PAPSS2: variants seen among roughly 807,000 people sequenced by gnomAD.
PAPSS2 encodes bifunctional 3'-phosphoadenosine 5'-phosphosulfate synthase 2.
PAPSS2 carries 61 observed loss-of-function variants against 66.5 expected under a neutral mutation model. That is an observed-to-expected ratio of 0.92 (90% CI 0.75 to 1.14). The LOEUF (loss-of-function observed/expected upper bound fraction) is 1.14, where lower values mean the gene tolerates loss of function less well. PAPSS2 is among the 50% of genes most tolerant of loss of function. PAPSS2 has a pLI of 0.00. For synonymous variants in PAPSS2, 289 were observed against 287.5 expected (o/e 1.01, Z -0.05); for missense variants, 708 against 789.6 (o/e 0.90, Z 1.24).
Position 87,734,774 on chromosome 10 carries a change from C to G in PAPSS2, c.1087-6461C>G, listed in dbSNP as rs184543537. 1.3e-3 allele frequency among the ~76,000 whole-genome samples: 186 copies of G among 145,880 alleles called. 1 individual carries two copies. Among genetic ancestry groups the G allele is most frequent in the African/African-American group, 4.6e-3 (183 of 39,458 alleles). On this transcript the variant is annotated intron_variant, in intron 9 of 12. Coordinates refer to ENST00000456849, the MANE Select transcript of PAPSS2 (RefSeq NM_001015880.2). ...GATTCTGTTCTCTGCACCCTTTCAT[C>G]ATGACCTTATCTTGCTGAATCCACC...
intron 1 of PAPSS2, among the ~76,000 whole-genome samples, chr10:87,679,510 A>T (rs917801533): frequency 2.0e-5 from 3 of 152,246 alleles, no homozygotes; most frequent in African/African-American, 7.2e-5. Flanking sequence ...TAATCATTAC[A>T]CATTCTATGC....
chr10:87,690,648 G>A (rs764437519), intron 1 of PAPSS2, among the ~76,000 whole-genome samples: 2 of 152,204 alleles, frequency 1.3e-5, no homozygotes, highest in Non-Finnish European at 2.9e-5. Context: ...ATTGATAGGT[G>A]TGCAGAATGT....
intron 10 of PAPSS2, among the ~76,000 whole-genome samples, 181 bp downstream of exon 10, chr10:87,741,551 C>T (rs575814928): frequency 6.6e-6 from 1 of 152,160 alleles, no homozygotes; most frequent in South Asian, 2.1e-4. Flanking sequence ...CCCACCACTA[C>T]GCCCAGCTAA....
At chr10:87,665,447 G>A (rs1017013382) in intron 1 of PAPSS2, among the ~76,000 whole-genome samples, 6 of 152,158 alleles carry the variant, frequency 3.9e-5, no homozygotes, top group Non-Finnish European at 4.4e-5. Flanking sequence ...TCCTGACCTC[G>A]TGATCTGCCC....
intron 9 of PAPSS2, among the ~76,000 whole-genome samples, chr10:87,735,432 C>A (rs1427667756): frequency 6.6e-6 from 1 of 152,152 alleles, no homozygotes; most frequent in Non-Finnish European, 1.5e-5. Context: ...CCCCTAGTGT[C>A]CAGAATAAAT....
At chr10:87,724,041 G>T (rs1322354020) in intron 8 of PAPSS2, among the ~76,000 whole-genome samples, 1 of 151,996 alleles carries the variant, frequency 6.6e-6, no homozygotes, top group Non-Finnish European at 1.5e-5. Context: ...GCTTAACCAT[G>T]AGCCCTCATT....
At chr10:87,724,297 A>G (rs906625281) in intron 8 of PAPSS2, among the ~76,000 whole-genome samples, 3 of 152,012 alleles carry the variant, frequency 2.0e-5, no homozygotes, top group Admixed American at 6.6e-5. Flanking sequence ...AAAAAAGAGA[A>G]TATGTTCAAT....
At chr10:87,669,998 T>A in intron 1 of PAPSS2, among the ~76,000 whole-genome samples, 1 of 152,242 alleles carries the variant, frequency 6.6e-6, no homozygotes, top group Admixed American at 6.5e-5. Flanking sequence ...AATAATGAAT[T>A]CTATTGAGAA....
chr10:87,685,499 T>C (rs1853076839), intron 1 of PAPSS2, among the ~76,000 whole-genome samples: 1 of 151,826 alleles, frequency 6.6e-6, no homozygotes, highest in East Asian at 1.9e-4. Flanking sequence ...CTGTGCAACA[T>C]AGCAAGACCT....
At chr10:87,672,923 T>G (rs908209076) in intron 1 of PAPSS2, among the ~76,000 whole-genome samples, 21 of 152,254 alleles carry the variant, frequency 1.4e-4, no homozygotes, top group Non-Finnish European at 2.5e-4. Context: ...TGTCTATAAA[T>G]AAAGCTTTCG....
intron 1 of PAPSS2, among the ~76,000 whole-genome samples, chr10:87,667,241 C>T (rs1020527519): frequency 6.6e-6 from 1 of 151,772 alleles, no homozygotes; most frequent in Non-Finnish European, 1.5e-5. Flanking sequence ...ATCACTTGAG[C>T]GCAGGAGTTT....
In PAPSS2 at chr10:87,721,743, T is replaced by C; in HGVS notation, c.866-13T>C. The C allele has an allele frequency of 1.3e-6, 2 of 1,530,334 alleles. No individual in the cohort carries two copies. Among genetic ancestry groups the C allele is most frequent in the Non-Finnish European group, 8.9e-7 (1 of 1,128,394 alleles). The allele number at this position is 1,530,334 out of a possible 1,614,324, so 94.8% of individuals were successfully genotyped here. On this transcript the variant is annotated splice_polypyrimidine_tract_variant and intron_variant, in intron 7 of 12. Coordinates refer to ENST00000456849, the MANE Select transcript of PAPSS2 (RefSeq NM_001015880.2). ...GCTGAAAATGTTTCTTAATTGTGTT[T>C]ATATTTCCCTAGGCATGGCCCTTCC...
intron 1 of PAPSS2, among the ~76,000 whole-genome samples, chr10:87,693,424 T>C (rs1853195396): frequency 6.6e-6 from 1 of 152,182 alleles, no homozygotes; most frequent in South Asian, 2.1e-4. Context: ...TATGCCAGCT[T>C]TTTGTGTAGA....
intron 9 of PAPSS2, among the ~76,000 whole-genome samples, chr10:87,736,601 A>G (rs1378154462): frequency 1.3e-5 from 2 of 151,938 alleles, no homozygotes; most frequent in Non-Finnish European, 2.9e-5. Context: ...CCATTCTTCA[A>G]CCCTGGCTTA....
Position 87,743,509 on chromosome 10 carries a change from C to T in PAPSS2, c.1359C>T (p.Thr453=). The change falls in exon 11 of 13, where the codon ACC becomes ACT. Residue 453 remains threonine (T), a synonymous_variant. Transcript: ENST00000456849. ...VLLLHPLGGW[T]KDDDVPLDWR... ...TACTACACCCTCTGGGCGGCTGGAC[C>T]AAGGATGACGATGTGCCTCTAGACT... 1 of 1,614,134 alleles carries T rather than the reference C, an allele frequency of 6.2e-7. No individual in the cohort carries two copies. Among genetic ancestry groups the T allele is most frequent in the African/African-American group, 1.3e-5 (1 of 75,032 alleles).
chr10:87,727,294 C>G lies in PAPSS2; in HGVS notation c.891C>G (p.Ile297Met), dbSNP rs768759177. ...LDGMALPDGV[I>M]NMSIPIVLPV... ...TGGCTCTTTCCACAGATGGCGTGAT[C>G]AACATGAGCATCCCCATTGTACTGC... Residue 297 changes from isoleucine to methionine, a missense_variant, in exon 9 of 13, where the codon ATC becomes ATG. Physicochemically the swap from Ile to Met is conservative, Grantham distance 10 (BLOSUM62 1). Coordinates refer to ENST00000456849, the MANE Select transcript of PAPSS2 (RefSeq NM_001015880.2). 1 of 1,613,218 alleles carries G rather than the reference C, an allele frequency of 6.2e-7. No homozygotes were observed. The highest frequency in any genetic ancestry group is 8.5e-7 in the Non-Finnish European group (1 of 1,179,926).
chr10:87,708,810 T>G (rs535336605), intron 1 of PAPSS2, among the ~76,000 whole-genome samples: 1 of 152,014 alleles, frequency 6.6e-6, no homozygotes, highest in African/African-American at 2.4e-5. Context: ...TAATGTAATA[T>G]GCAATTGCAT....
intron 1 of PAPSS2, among the ~76,000 whole-genome samples, chr10:87,690,764 G>T (rs964997451): frequency 6.6e-6 from 1 of 152,136 alleles, no homozygotes; most frequent in Admixed American, 6.5e-5. Context: ...CTAAGAGCCA[G>T]ACCCTGTGCT....
chr10:87,705,995 G>A (rs372004733), intron 1 of PAPSS2, among the ~76,000 whole-genome samples: 77 of 150,298 alleles, frequency 5.1e-4, no homozygotes, highest in East Asian at 2.4e-3. Context: ...GCCTCCCAGA[G>A]TGCTGGGATT....
Sources: allele counts gnomAD v4.1 joint callset (sites outside exome capture counted in the v4.1 genomes callset), GRCh38; gene constraint gnomAD v4.1.1; transcripts MANE v1.5; gene names NCBI Gene and HGNC (gene_info 2026-07-23, HGNC 2026-07-21).